The following KYAT1 variants were observed in gnomAD, a reference collection of about 807,000 sequenced individuals.
KYAT1 encodes kynurenine aminotransferase 1.
KYAT1 carries 47 observed loss-of-function variants against 52.4 expected under a neutral mutation model. That is an observed-to-expected ratio of 0.90 (90% CI 0.71 to 1.14). KYAT1 has a LOEUF of 1.14. Ranked by LOEUF, KYAT1 falls within the 50% of genes most tolerant of loss-of-function variation. The pLI is 0.00. For synonymous variants in KYAT1, 212 were observed against 209.6 expected (o/e 1.01, Z -0.10); for missense variants, 480 against 557.9 (o/e 0.86, Z 1.41).
rs1276471576 is a variant in KYAT1 at position 128,865,333 on chromosome 9, ATATATATATATATATATATATATATATT to A, written c.-7+16536_-7+16563del. ...CATATATATATATATATATATATATATATATATATATATATATATATATATATTTTTTTTTTTTTTTTTTTTGAGACAG... is the reference window on the plus strand; with the variant it reads ...CATATATATATATATATATATATATATTTTTTTTTTTTTTTTTTGAGACAG... On this transcript the variant is annotated intron_variant, in intron 1 of 12. Transcript: ENST00000302586. Among the ~76,000 whole-genome samples the A allele has an allele frequency of 3.3e-3, 5 of 1,518 alleles. 1 individual carries two copies. In the South Asian group the frequency reaches 0.083, roughly 25 times the overall value. The allele number at this position is 1,518 out of a possible 152,430, so 1.0% of individuals were successfully genotyped here.
intron 1 of KYAT1, chr9:128,859,814 A>C (rs987855490): frequency 6.6e-6 from 1 of 151,830 alleles, no homozygotes; most frequent in Non-Finnish European, 1.5e-5. Flanking sequence ...ACACCCAGCT[A>C]ATTTTTTGTA....
At chr9:128,858,257 C>T (rs10988139) in intron 1 of KYAT1, among the ~76,000 whole-genome samples, 26 of 151,234 alleles carry the variant, frequency 1.7e-4, no homozygotes, top group Non-Finnish European at 2.7e-4. Flanking sequence ...ATTAGCTGGG[C>T]GAAGTCACAT....
Position 128,833,159 on chromosome 9 carries a change from G to T in KYAT1, c.*425C>A. On this transcript the variant is annotated 3_prime_UTR_variant, in exon 13 of 13. Transcript: ENST00000302586. ...CATTTTATTATGGACGAAAAGGAGA[G>T]GCTTGAGGACTCAAGCCTAAAGGCA... The T allele has an allele frequency of 4.9e-6, 1 of 203,528 alleles. No homozygotes were observed. Among genetic ancestry groups the T allele is most frequent in the East Asian group, 1.3e-4 (1 of 7,974 alleles). The allele number at this position is 203,528 out of a possible 1,614,324, so 12.6% of individuals were successfully genotyped here. A position where few individuals can be genotyped will look rare whatever the true frequency, so the allele number is the denominator to read the frequency against.
intron 1 of KYAT1, among the ~76,000 whole-genome samples, chr9:128,873,600 C>T (rs1190131211): frequency 2.0e-5 from 3 of 151,718 alleles, no homozygotes; most frequent in Non-Finnish European, 2.9e-5. Context: ...GGTGAAATCC[C>T]GTCTCTACTA....
chr9:128,877,910 G>T (rs927247764), intron 1 of KYAT1, among the ~76,000 whole-genome samples: 1 of 152,146 alleles, frequency 6.6e-6, no homozygotes, highest in African/African-American at 2.4e-5. Context: ...GGGATACCAT[G>T]CCCAGGAAGA....
chr9:128,872,002 G>A lies in KYAT1; in HGVS notation c.-7+9895C>T, dbSNP rs540364820. Among the ~76,000 whole-genome samples, 8 of 151,766 alleles carry A rather than the reference G, an allele frequency of 5.3e-5. No homozygotes were observed. The South Asian group carries it at 1.7e-3, about 32-fold the overall frequency. On this transcript the variant is annotated intron_variant, in intron 1 of 12. Transcript: ENST00000302586. ...AAATTAGCTGGGCATAGTGGCACAC[G>A]CCTGTAGTCCCAGCTACTCCGGAGG... is the stretch of plus-strand genomic sequence containing the variant.
intron 1 of KYAT1, among the ~76,000 whole-genome samples, chr9:128,874,085 G>A (rs553971006): frequency 3.3e-5 from 5 of 151,192 alleles, no homozygotes; most frequent in Non-Finnish European, 4.4e-5. Context: ...GTGAAACCCC[G>A]TCTCTATTAA....
At chr9:128,852,060 C>G (rs1834024529) in intron 1 of KYAT1, among the ~76,000 whole-genome samples, 1 of 152,052 alleles carries the variant, frequency 6.6e-6, no homozygotes, top group Admixed American at 6.6e-5. Context: ...CTGTATGGGT[C>G]AAACAGTGGC....
At chr9:128,861,835 T>G (rs1179645658) in intron 1 of KYAT1, among the ~76,000 whole-genome samples, 1 of 152,224 alleles carries the variant, frequency 6.6e-6, no homozygotes, top group African/African-American at 2.4e-5. Flanking sequence ...GCCTGTTCTA[T>G]GAAGACCAAC....
At chr9:128,864,948 A>G (rs1438052911) in intron 1 of KYAT1, among the ~76,000 whole-genome samples, 4 of 151,694 alleles carry the variant, frequency 2.6e-5, no homozygotes, top group Admixed American at 1.3e-4. Flanking sequence ...TTCCTTCAAG[A>G]GGCTAAGTGG....
At chr9:128,876,456 C>T (rs974103476) in intron 1 of KYAT1, among the ~76,000 whole-genome samples, 21 of 141,530 alleles carry the variant, frequency 1.5e-4, no homozygotes, top group Non-Finnish European at 6.1e-5. Flanking sequence ...CTGGCTCTGT[C>T]GCCCAGGCTG....
chr9:128,838,871 C>T (rs1165116813), intron 3 of KYAT1, among the ~76,000 whole-genome samples: 1 of 152,244 alleles, frequency 6.6e-6, no homozygotes, highest in Non-Finnish European at 1.5e-5. Context: ...CCACTTTCCA[C>T]ATCTGTAAGT....
chr9:128,846,321 T>C (rs1833084967), intron 1 of KYAT1, among the ~76,000 whole-genome samples: 1 of 152,116 alleles, frequency 6.6e-6, no homozygotes, highest in Non-Finnish European at 1.5e-5. Flanking sequence ...TCCCAGCTAC[T>C]TGGGAGGCTG....
At chr9:128,867,810 T>C (rs1836617902) in intron 1 of KYAT1, among the ~76,000 whole-genome samples, 1 of 152,266 alleles carries the variant, frequency 6.6e-6, no homozygotes. Flanking sequence ...TCTCGCTCTG[T>C]CGCCCAGGCT....
At chr9:128,869,097 C>T (rs1836853259) in intron 1 of KYAT1, among the ~76,000 whole-genome samples, 1 of 152,134 alleles carries the variant, frequency 6.6e-6, no homozygotes, top group African/African-American at 2.4e-5. Context: ...GCCTTGGCCT[C>T]CCAAAGTGCT....
intron 3 of KYAT1, among the ~76,000 whole-genome samples, chr9:128,839,734 C>T (rs1831800191): frequency 6.6e-6 from 1 of 152,216 alleles, no homozygotes; most frequent in Admixed American, 6.5e-5. Context: ...GATTTGGCCA[C>T]ACAAATATAA....
chr9:128,875,440 C>T (rs994472113), intron 1 of KYAT1, among the ~76,000 whole-genome samples: 2 of 151,394 alleles, frequency 1.3e-5, no homozygotes, highest in Admixed American at 6.6e-5. Flanking sequence ...ATGGTGAAAC[C>T]GCGTCTCTAC....
At chr9:128,839,719 A>G (rs1831796492) in intron 3 of KYAT1, among the ~76,000 whole-genome samples, 2 of 152,250 alleles carry the variant, frequency 1.3e-5, no homozygotes, top group Non-Finnish European at 2.9e-5. Flanking sequence ...TAACTCACTA[A>G]ACCAGATTTG....
upstream of KYAT1, chr9:128,882,317 C>A (rs758013477): frequency 6.1e-5 from 10 of 164,884 alleles, no homozygotes; most frequent in Non-Finnish European, 1.2e-4. Context: ...CACACGCCCT[C>A]GGCCAGCTGC....
Sources: allele counts gnomAD v4.1 joint callset (sites outside exome capture counted in the v4.1 genomes callset), GRCh38; gene constraint gnomAD v4.1.1; transcripts MANE v1.5; gene names NCBI Gene and HGNC (gene_info 2026-07-23, HGNC 2026-07-21).